The following ZNF735 variants were observed in gnomAD, a reference collection of about 807,000 sequenced individuals.
The protein encoded by ZNF735 is zinc finger protein 735.
ZNF735 carries 11 observed loss-of-function variants against 13.4 expected under a neutral mutation model. That is an observed-to-expected ratio of 0.82 (90% confidence interval 0.52 to 1.36). The LOEUF is 1.36. ZNF735 is among the 40% of genes most tolerant of loss of function. ZNF735 has a pLI of 0.00. For synonymous variants in ZNF735, 171 were observed against 162.6 expected (o/e 1.05, Z -0.39); for missense variants, 500 against 484.6 (o/e 1.03, Z -0.30).
At chr7:64,213,005 T>C in intron 1 of ZNF735, 87 bp from the exon 2 acceptor site, 2 of 1,392,254 alleles carry the variant, frequency 1.4e-6, no homozygotes, top group Non-Finnish European at 2.0e-6. Context: ...CTTTTTACTC[T>C]CTTTTTTAAC....
chr7:64,208,992 G>T (rs909446212), intron 1 of ZNF735, among the ~76,000 whole-genome samples: 8 of 152,152 alleles, frequency 5.3e-5, no homozygotes, highest in Admixed American at 2.0e-4. Context: ...GTTTATTTCT[G>T]GTTTTTGCTA....
rs150244686 is a variant in ZNF735, at chr7:64,210,228, G to A, written c.40-2864G>A. On this transcript the variant is annotated intron_variant, in intron 1 of 3. Coordinates refer to ENST00000429565, the Ensembl canonical transcript of ZNF735. ...GTACATGTGTGCAGGTTTTCCAGGT[G>A]CAGATTTACTCAGATATTGCTGCCT... Among the ~76,000 whole-genome samples, 1,020 of 152,226 alleles carry A rather than the reference G, an allele frequency of 6.7e-3. 12 individuals are homozygous for A. Among genetic ancestry groups the A allele is most frequent in the African/African-American group, 0.023 (946 of 41,520 alleles).
chr7:64,217,626 A>G (rs568508469), intron 3 of ZNF735, among the ~76,000 whole-genome samples: 25 of 152,232 alleles, frequency 1.6e-4, no homozygotes, highest in African/African-American at 5.3e-4. Context: ...GCATATGCAT[A>G]TAGATAGACA....
Position 64,213,135 on chromosome 7 carries a change from C to G in ZNF735, c.83C>G (p.Ala28Gly), listed in dbSNP as rs183236398. ...GACATAGCTATAGAATTCTCTCTGG[C>G]GGAGTGGCAATGCCTGGATCATGCT... Residue 28 changes from alanine (A) to glycine (G), a missense_variant, in exon 2 of 4, where the codon GCG (alanine) becomes GGG (glycine). Transcript: ENST00000429565. 5.0e-6 allele frequency: 8 copies of G among 1,612,264 alleles called. No individual in the cohort carries two copies. The South Asian group carries it at 8.8e-5, about 18-fold the overall frequency.
chr7:64,210,681 A>T (rs1188773702), intron 1 of ZNF735, among the ~76,000 whole-genome samples: 1 of 152,178 alleles, frequency 6.6e-6, no homozygotes, highest in Admixed American at 6.6e-5. Flanking sequence ...AGATTGCTGG[A>T]GTCTGATAGG....
chr7:64,213,942 G>A lies in ZNF735; in HGVS notation c.167-71G>A, dbSNP rs1393762750. ...CCACTGCACTCCAGCCTGAGCGACAGAGTGAGACTCCATCTCAAAAAATAA... is the reference window on the plus strand; with the variant it reads ...CCACTGCACTCCAGCCTGAGCGACAAAGTGAGACTCCATCTCAAAAAATAA... On this transcript the variant is annotated intron_variant, in intron 2 of 3. Transcript: ENST00000429565. The A allele has an allele frequency of 8.8e-6, 12 of 1,359,172 alleles. No homozygotes were observed. In the East Asian group the frequency reaches 3.5e-4, roughly 39 times the overall value. 84.2% of individuals were successfully genotyped at this position (1,359,172 alleles called of 1,614,324 possible).
intron 3 of ZNF735, among the ~76,000 whole-genome samples, chr7:64,216,069 G>A (rs759994470): frequency 1.5e-4 from 23 of 152,090 alleles, no homozygotes; most frequent in Non-Finnish European, 2.6e-4. Flanking sequence ...GCTGAGGCGG[G>A]TGGATCACGA....
At chr7:64,214,252 T>G in intron 3 of ZNF735, 144 bp downstream of exon 3, 1 of 938,758 alleles carries the variant, frequency 1.1e-6, no homozygotes, top group East Asian at 2.9e-5. Context: ...TTTTTTATTT[T>G]TTTTATTTTT....
intron 3 of ZNF735, among the ~76,000 whole-genome samples, chr7:64,217,760 A>G (rs1340816929): frequency 6.6e-6 from 1 of 151,916 alleles, no homozygotes; most frequent in Admixed American, 6.6e-5. Flanking sequence ...TTTGTGCTAC[A>G]TTGGAGATTT....
In ZNF735 at chr7:64,218,318, C is replaced by T. The variant is rs533828454; in HGVS notation, c.263-996C>T. On this transcript the variant is annotated intron_variant, in intron 3 of 3. Coordinates refer to ENST00000429565, the Ensembl canonical transcript of ZNF735. Reference sequence around the variant, plus strand: ...GGAGGACTAGGCTTATAAATAATACCTCATTTTTATCTTGCAGCTCCAAAC... The same window carrying T: ...GGAGGACTAGGCTTATAAATAATACTTCATTTTTATCTTGCAGCTCCAAAC... 1.3e-4 allele frequency among the ~76,000 whole-genome samples: 19 copies of T among 151,690 alleles called. No individual in the cohort carries two copies. In the South Asian group the frequency reaches 3.8e-3, roughly 30 times the overall value.
chr7:64,214,679 G>C (rs1030376643), intron 3 of ZNF735, among the ~76,000 whole-genome samples: 2 of 151,842 alleles, frequency 1.3e-5, no homozygotes, highest in Non-Finnish European at 2.9e-5. Context: ...GCTGTAGGGG[G>C]ATATGCAAGC....
At position 64,219,872 on chromosome 7, in the gene ZNF735, G is replaced by T; in HGVS notation, c.821G>T (p.Cys274Phe). Residue 274 changes from cysteine to phenylalanine, a missense_variant, in exon 4 of 4, where the codon TGT becomes TTT. Physicochemically the swap from Cys to Phe is radical, Grantham distance 205. Coordinates refer to ENST00000429565, the Ensembl canonical transcript of ZNF735. ...GAGAAACCCTACGCATGTGAAGAAT[G>T]TGGCCAAGCCTTTAGGCGCTCCTCA... 3 of 1,613,876 alleles carry T rather than the reference G, an allele frequency of 1.9e-6. No individual in the cohort carries two copies. In the East Asian group the frequency reaches 6.7e-5, roughly 36 times the overall value.
At chr7:64,209,409 T>G (rs969116667) in intron 1 of ZNF735, among the ~76,000 whole-genome samples, 4 of 151,550 alleles carry the variant, frequency 2.6e-5, no homozygotes, top group Non-Finnish European at 4.4e-5. Flanking sequence ...TGCAGTGGCG[T>G]GATCTCGGCT....
At chr7:64,211,995 C>T (rs1787366607) in intron 1 of ZNF735, among the ~76,000 whole-genome samples, 1 of 151,752 alleles carries the variant, frequency 6.6e-6, no homozygotes, top group Admixed American at 6.6e-5. Context: ...TGCATCAGCA[C>T]ATAATAAAAA....
intron 1 of ZNF735, among the ~76,000 whole-genome samples, chr7:64,212,193 A>T (rs887374114): frequency 1.1e-4 from 16 of 152,150 alleles, no homozygotes; most frequent in African/African-American, 3.9e-4. Flanking sequence ...ACTTTTGCAT[A>T]TATTTGTCTT....
chr7:64,219,364 G>C (rs771539863), exon 4 of ZNF735: 8 of 1,613,678 alleles, frequency 5.0e-6, no homozygotes, highest in South Asian at 4.4e-5. Context: ...GAGCATAAAA[G>C]ATTCACTCCA....
intron 1 of ZNF735, among the ~76,000 whole-genome samples, chr7:64,211,475 G>T (rs1188978962): frequency 2.0e-5 from 3 of 152,096 alleles, no homozygotes; most frequent in Non-Finnish European, 4.4e-5. Flanking sequence ...GCTCTCCAGG[G>T]TGCTAAACAA....
At chr7:64,216,577 AC>A (rs1313149058) in intron 3 of ZNF735, among the ~76,000 whole-genome samples, 1 of 151,676 alleles carries the variant, frequency 6.6e-6, no homozygotes, top group Admixed American at 6.6e-5. Flanking sequence ...TGATTAGAAA[AC>A]ATACACTGCA....
intron 1 of ZNF735, among the ~76,000 whole-genome samples, chr7:64,208,209 G>A: frequency 7.1e-6 from 1 of 140,032 alleles, no homozygotes; most frequent in East Asian, 2.2e-4. Context: ...GCCTAGGCCC[G>A]AATATTTTCT....
Sources: gnomAD v4.1 joint callset for allele counts (sites outside exome capture counted in the v4.1 genomes callset) on GRCh38, gnomAD v4.1.1 for gene constraint, MANE v1.5 for transcripts, NCBI Gene and HGNC (gene_info 2026-07-23, HGNC 2026-07-21) for gene names.